ERC1: variants seen among roughly 807,000 people sequenced by gnomAD.
ERC1 encodes RAB6 interacting protein 2.
Under a neutral mutation model 132.0 loss-of-function variants are expected in ERC1, and 56 were observed. The observed-to-expected ratio is 0.42, with a 90% CI of 0.34 to 0.53. The LOEUF (loss-of-function observed/expected upper bound fraction) is 0.53, where lower values mean the gene tolerates loss of function less well. ERC1 is among the 20% of genes least tolerant of loss of function. ERC1 has a pLI of 0.03. For synonymous variants in ERC1, 478 were observed against 476.1 expected (o/e 1.00, Z -0.05); for missense variants, 1,202 against 1,349.9 (o/e 0.89, Z 1.72).
At chr12:1,449,860 A>G (rs546759526) in intron 18 of ERC1, among the ~76,000 whole-genome samples, 7 of 151,928 alleles carry the variant, frequency 4.6e-5, no homozygotes, top group South Asian at 2.1e-4. Context: ...GTTTTCTTTT[A>G]AAGTAATTTT....
At position 1,027,941 on chromosome 12, in the gene ERC1, C is replaced by T. The variant is rs771123374; in HGVS notation, c.38C>T (p.Pro13Leu). The T allele has an allele frequency of 2.0e-5, 33 of 1,611,980 alleles. No individual in the cohort carries two copies. The highest frequency in any genetic ancestry group is 6.7e-5 in the African/African-American group (5 of 74,860). ...GSARSVGKVE[P>L]SSQSPGRSPR... ...GCCCGCTCTGTTGGGAAGGTGGAGC[C>T]GAGCAGCCAGAGCCCTGGGCGTTCA... Residue 13 changes from proline (P) to leucine (L), a missense_variant, in exon 2 of 19, where the codon CCG (proline) becomes CTG (leucine). By Grantham distance (98) the Pro-to-Leu change is moderately conservative. Transcript: ENST00000360905.
chr12:1,298,121 A>T (rs1594843996), intron 15 of ERC1, among the ~76,000 whole-genome samples: 1 of 152,234 alleles, frequency 6.6e-6, no homozygotes. Context: ...GGAAAGAGAG[A>T]AAGAAAGATA....
intron 14 of ERC1, among the ~76,000 whole-genome samples, chr12:1,284,265 CGTGT>C (rs71055142): frequency 0.082 from 11,530 of 140,072 alleles, 477 homozygotes; most frequent in Non-Finnish European, 0.1. Flanking sequence ...GAATAGTATT[CGTGT>C]GTGTGTGTGT....
chr12:1,321,010 T>C (rs2082082273), intron 15 of ERC1, among the ~76,000 whole-genome samples: 1 of 152,168 alleles, frequency 6.6e-6, no homozygotes, highest in African/African-American at 2.4e-5. Context: ...CTCTAGTTGA[T>C]AGTGTTAAAT....
chr12:1,184,078 T>C (rs1055444923), intron 11 of ERC1, among the ~76,000 whole-genome samples: 2 of 150,450 alleles, frequency 1.3e-5, no homozygotes, highest in Non-Finnish European at 3.0e-5. Flanking sequence ...AGAGGTTGCA[T>C]TGAGCCAAGA....
At chr12:1,008,701 A>T (rs1448734552) in intron 1 of ERC1, among the ~76,000 whole-genome samples, 1 of 152,218 alleles carries the variant, frequency 6.6e-6, no homozygotes, top group African/African-American at 2.4e-5. Flanking sequence ...GAAATATTTC[A>T]TCTGTATTTA....
At chr12:1,110,072 C>A in intron 4 of ERC1, 120 bp from the exon 5 acceptor site, 3 of 824,668 alleles carry the variant, frequency 3.6e-6, no homozygotes, top group Non-Finnish European at 5.4e-6. Context: ...AATTGCCAGA[C>A]AGCATTTTTT....
intron 12 of ERC1, among the ~76,000 whole-genome samples, chr12:1,218,071 G>C (rs1958592384): frequency 1.3e-5 from 2 of 152,164 alleles, no homozygotes; most frequent in South Asian, 4.1e-4. Flanking sequence ...GTATCATTCT[G>C]TTCTCTTATC....
At chr12:1,040,068 C>T (rs1421080482) in intron 2 of ERC1, among the ~76,000 whole-genome samples, 1 of 151,990 alleles carries the variant, frequency 6.6e-6, no homozygotes, top group Non-Finnish European at 1.5e-5. Context: ...TTAGATGTCC[C>T]TTATTTTGTT....
rs1050759026 is a variant in ERC1 at position 1,490,309 on chromosome 12, C to T, written c.*79C>T. On this transcript the variant is annotated 3_prime_UTR_variant, in exon 19 of 19. Transcript: ENST00000360905. ...ACTACGAGGAACAGGTGCCCGGAAC[C>T]TTCTTGGCACCAAACACTACAAACT... The T allele has an allele frequency of 9.2e-6, 13 of 1,412,404 alleles. No individual in the cohort carries two copies. Among genetic ancestry groups the T allele is most frequent in the Non-Finnish European group, 1.2e-5 (12 of 1,031,234 alleles). 87.5% of individuals were successfully genotyped at this position (1,412,404 alleles called of 1,614,324 possible). A position where few individuals can be genotyped will look rare whatever the true frequency, so the allele number is the denominator to read the frequency against.
intron 12 of ERC1, among the ~76,000 whole-genome samples, chr12:1,215,049 T>A (rs1304983253): frequency 1.3e-5 from 2 of 152,240 alleles, no homozygotes; most frequent in African/African-American, 4.8e-5. Flanking sequence ...ATGTTAATTT[T>A]ATGATTTTGT....
intron 16 of ERC1, among the ~76,000 whole-genome samples, chr12:1,405,762 G>A (rs148879262): frequency 1.3e-5 from 2 of 151,412 alleles, no homozygotes; most frequent in East Asian, 3.9e-4. Context: ...GTTAAAAGTA[G>A]ATTTTGGGCT....
rs138225831 is a variant in ERC1 at position 1,416,394 on chromosome 12, TAAG to T, written c.3024+8150_3024+8152del. On this transcript the variant is annotated intron_variant, in intron 17 of 18. Transcript: ENST00000360905. ...AACTAACTTCAAGGAGGTTCCAACC[TAAG>T]AATGAGAATATGATGTGTAGGGGCT... is the stretch of plus-strand genomic sequence containing the variant. Among the ~76,000 whole-genome samples the T allele has an allele frequency of 4.3e-3, 652 of 152,282 alleles. 8 individuals are homozygous for T. The highest frequency in any genetic ancestry group is 0.015 in the African/African-American group (618 of 41,552).
rs549352104 is a variant in ERC1 at position 1,392,989 on chromosome 12, CAG to C, written c.2926-15157_2926-15156del. Among the ~76,000 whole-genome samples the C allele has an allele frequency of 2.6e-5, 4 of 152,222 alleles. No individual in the cohort carries two copies. The South Asian group carries it at 6.2e-4, about 24-fold the overall frequency. Reference sequence around the variant, plus strand: ...GAGAAATCCTTTTATAATGAATAGTCAGAGTATAGGAGAAAAAAATGGTATTG... The same window carrying C: ...GAGAAATCCTTTTATAATGAATAGTCAGTATAGGAGAAAAAAATGGTATTG... On this transcript the variant is annotated intron_variant, in intron 16 of 18. Transcript: ENST00000360905.
At chr12:1,318,648 G>A (rs1197914160) in intron 15 of ERC1, among the ~76,000 whole-genome samples, 5 of 152,228 alleles carry the variant, frequency 3.3e-5, no homozygotes, top group Non-Finnish European at 5.9e-5. Flanking sequence ...GAGAAGCACT[G>A]GAGAGGGCTC....
intron 8 of ERC1, among the ~76,000 whole-genome samples, chr12:1,146,070 A>G (rs1458781741): frequency 6.6e-6 from 1 of 152,060 alleles, no homozygotes; most frequent in Non-Finnish European, 1.5e-5. Flanking sequence ...TTTTGGTTCC[A>G]TATGAATTTT....
intron 15 of ERC1, among the ~76,000 whole-genome samples, chr12:1,354,504 CAA>C (rs1340182164): frequency 6.7e-6 from 1 of 148,566 alleles, no homozygotes; most frequent in Non-Finnish European, 1.5e-5. Flanking sequence ...GCCTGGGCGA[CAA>C]GAGTGAAACT....
At chr12:1,011,994 A>G (rs776119389) in intron 1 of ERC1, among the ~76,000 whole-genome samples, 9 of 152,144 alleles carry the variant, frequency 5.9e-5, no homozygotes, top group Non-Finnish European at 1.3e-4. Context: ...ACGTTTTTTA[A>G]ATGGCAGACA....
chr12:1,198,578 C>T (rs1566220749), intron 12 of ERC1, among the ~76,000 whole-genome samples: 2 of 152,112 alleles, frequency 1.3e-5, no homozygotes, highest in Non-Finnish European at 2.9e-5. Context: ...CCATCTTTTC[C>T]ATACCTCATT....
Sources: gnomAD v4.1 joint callset for allele counts (sites outside exome capture counted in the v4.1 genomes callset) on GRCh38, gnomAD v4.1.1 for gene constraint, MANE v1.5 for transcripts, NCBI Gene and HGNC (gene_info 2026-07-23, HGNC 2026-07-21) for gene names.